Variants in DAB1 observed in about 807,000 individuals in gnomAD.
DAB1 encodes the protein disabled homolog 1.
DAB1 carries 15 observed loss-of-function variants against 64.6 expected under a neutral mutation model. The ratio of observed to expected loss-of-function variants is 0.23; its 90% CI spans 0.16 to 0.36. The LOEUF is 0.36. Ranked by LOEUF, DAB1 falls within the 10% of genes least tolerant of loss-of-function variation. The probability of loss-of-function intolerance (pLI) is 1.00; values close to 1 mark genes in which losing one functional copy is unlikely to be tolerated. For synonymous variants in DAB1, 235 were observed against 251.9 expected, an observed-to-expected ratio of 0.93 and a Z score of 0.64; for missense variants, 596 against 706.7, an observed-to-expected ratio of 0.84 and a Z score of 1.78.
chr1:57,114,436 T>A (rs1006377141), intron 4 of DAB1, among the ~76,000 whole-genome samples: 25 of 152,226 alleles, frequency 1.6e-4, no homozygotes, highest in Non-Finnish European at 3.1e-4. Flanking sequence ...GCTTCTGCTC[T>A]TTCTTAAAGA....
chr1:57,470,735 T>A (rs571298515), intron 7 of DAB1, among the ~76,000 whole-genome samples: 1 of 152,334 alleles, frequency 6.6e-6, no homozygotes, highest in South Asian at 2.1e-4. Flanking sequence ...CCATCAAATA[T>A]TGTCCTAATT....
chr1:57,591,120 CGACTCTCAGGGAAG>C (rs1645441208), intron 7 of DAB1, among the ~76,000 whole-genome samples: 1 of 152,138 alleles, frequency 6.6e-6, no homozygotes. Flanking sequence ...TTGAATGCAG[CGACTCTCAGGGAAG>C]GGCCGCACTG....
At chr1:57,759,772 A>T (rs976961637) in intron 6 of DAB1, among the ~76,000 whole-genome samples, 2 of 152,168 alleles carry the variant, frequency 1.3e-5, no homozygotes, top group African/African-American at 4.8e-5. Flanking sequence ...AATAGGTGAG[A>T]CATGATAGGG....
At chr1:57,487,682 G>A (rs1358460760) in intron 7 of DAB1, among the ~76,000 whole-genome samples, 3 of 152,162 alleles carry the variant, frequency 2.0e-5, no homozygotes, top group Admixed American at 2.0e-4. Flanking sequence ...AGAAGCAATA[G>A]ACAATACCAC....
intron 7 of DAB1, among the ~76,000 whole-genome samples, chr1:57,550,464 C>T (rs767579738): frequency 2.2e-4 from 34 of 152,130 alleles, no homozygotes; most frequent in Non-Finnish European, 3.4e-4. Context: ...ACACTCCCCT[C>T]TACTGAGTAT....
chr1:57,375,806 T>C (rs146192967), intron 1 of DAB1, among the ~76,000 whole-genome samples: 3 of 152,334 alleles, frequency 2.0e-5, no homozygotes, highest in African/African-American at 7.2e-5. Flanking sequence ...CCTTAGAATC[T>C]AATACAGTGC....
intron 1 of DAB1, among the ~76,000 whole-genome samples, chr1:57,387,838 AAGAG>A (rs1558289008): frequency 6.8e-6 from 1 of 146,766 alleles, no homozygotes; most frequent in Non-Finnish European, 1.5e-5. Context: ...AAAAAAAAAA[AAGAG>A]AGAGAAAACT....
intron 5 of DAB1, among the ~76,000 whole-genome samples, chr1:57,916,621 A>C (rs546470431): frequency 1.3e-5 from 2 of 152,360 alleles, no homozygotes; most frequent in Admixed American, 1.3e-4. Context: ...ACAGTTGAGG[A>C]AACTGAGGCA....
chr1:57,963,462 T>A (rs1160390035), intron 5 of DAB1, among the ~76,000 whole-genome samples: 1 of 152,224 alleles, frequency 6.6e-6, no homozygotes. Context: ...TCTCTCCATC[T>A]GTTTGTCTCT....
chr1:57,384,594 G>A (rs1434558340), intron 1 of DAB1, among the ~76,000 whole-genome samples: 1 of 152,190 alleles, frequency 6.6e-6, no homozygotes, highest in Non-Finnish European at 1.5e-5. Flanking sequence ...TTTAAAGGAA[G>A]GAAATTCTAA....
At chr1:58,246,839 T>C (rs980007448) in intron 4 of DAB1, among the ~76,000 whole-genome samples, 1 of 151,968 alleles carries the variant, frequency 6.6e-6, no homozygotes, top group African/African-American at 2.4e-5. Flanking sequence ...TGACTCTGTG[T>C]GTGAAGGTGT....
intron 6 of DAB1, among the ~76,000 whole-genome samples, chr1:57,812,618 A>ACTGCAACC (rs772096772): frequency 1.3e-5 from 2 of 152,150 alleles, no homozygotes; most frequent in Non-Finnish European, 2.9e-5. Context: ...TACTCTCAAA[A>ACTGCAACC]CTGCAACCCT....
intron 5 of DAB1, among the ~76,000 whole-genome samples, chr1:58,010,336 A>C (rs184279609): frequency 6.6e-6 from 1 of 152,318 alleles, no homozygotes; most frequent in South Asian, 2.1e-4. Flanking sequence ...CAAGAAAAAC[A>C]TATACATACA....
intron 1 of DAB1, among the ~76,000 whole-genome samples, chr1:57,323,341 G>A (rs1245831502): frequency 6.6e-6 from 1 of 152,120 alleles, no homozygotes; most frequent in Non-Finnish European, 1.5e-5. Context: ...CAAAACAGGT[G>A]GTGACTTTAT....
intron 1 of DAB1, among the ~76,000 whole-genome samples, chr1:57,295,161 T>C (rs1673084775): frequency 6.6e-6 from 1 of 152,002 alleles, no homozygotes; most frequent in South Asian, 2.1e-4. Context: ...GAAGTGAGGG[T>C]TGCACAACAT....
rs187258479 is a variant in DAB1 at position 57,656,915 on chromosome 1, T to C, written n.552-7250A>G. ...AGTGTATATAATTGCAGGTTTGTTG[T>C]AACATTAAGTACTACTTTGAAAGAC... On this transcript the variant is annotated intron_variant and non_coding_transcript_variant, in intron 6 of 20. Coordinates refer to the DAB1 transcript ENST00000485760. Among the ~76,000 whole-genome samples the C allele has an allele frequency of 1.9e-3, 290 of 152,332 alleles. 1 individual carries two copies. Among genetic ancestry groups the C allele is most frequent in the African/African-American group, 6.6e-3 (275 of 41,578 alleles).
At chr1:58,055,774 G>A (rs1339454485) in intron 5 of DAB1, among the ~76,000 whole-genome samples, 1 of 151,592 alleles carries the variant, frequency 6.6e-6, no homozygotes, top group African/African-American at 2.4e-5. Flanking sequence ...GCGTCATCTC[G>A]GCTCACTGCA....
intron 1 of DAB1, among the ~76,000 whole-genome samples, chr1:57,372,501 C>T (rs1176810092): frequency 6.6e-6 from 1 of 152,194 alleles, no homozygotes; most frequent in East Asian, 1.9e-4. Context: ...AAAGGATCTG[C>T]TTATGATTGA....
At chr1:57,433,830 C>T (rs896450773) in intron 7 of DAB1, among the ~76,000 whole-genome samples, 11 of 146,814 alleles carry the variant, frequency 7.5e-5, no homozygotes, top group South Asian at 2.2e-4. Flanking sequence ...TTAGAATGAA[C>T]GGAAGACTTT....
Sources: allele counts gnomAD v4.1 joint callset (sites outside exome capture counted in the v4.1 genomes callset), GRCh38; gene constraint gnomAD v4.1.1; transcripts MANE v1.5; gene names NCBI Gene and HGNC (gene_info 2026-07-23, HGNC 2026-07-21).